The following ARMH3 variants were observed in gnomAD, a reference collection of about 807,000 sequenced individuals.
The protein encoded by ARMH3 is armadillo like helical domain containing 3.
Under a neutral mutation model 99.1 loss-of-function variants are expected in ARMH3, and 60 were observed. That is an observed-to-expected ratio of 0.61 (90% CI 0.49 to 0.75). ARMH3 has a LOEUF of 0.75. Ranked by LOEUF, ARMH3 falls within the 30% of genes least tolerant of loss-of-function variation. ARMH3 has a pLI of 0.00. For missense variants in ARMH3, 679 were observed against 843.1 expected, an observed-to-expected ratio of 0.81 and a Z score of 2.41; for synonymous variants, 285 against 292.8, an observed-to-expected ratio of 0.97 and a Z score of 0.27.
chr10:101,982,742 C>A (rs1483935671), intron 19 of ARMH3, among the ~76,000 whole-genome samples: 1 of 151,962 alleles, frequency 6.6e-6, no homozygotes, highest in Non-Finnish European at 1.5e-5. Flanking sequence ...GGTTGTGGCT[C>A]CTTATGATAA....
At chr10:101,999,213 CAG>C (rs975989721) in intron 15 of ARMH3, among the ~76,000 whole-genome samples, 1 of 146,678 alleles carries the variant, frequency 6.8e-6, no homozygotes, top group Admixed American at 6.8e-5. Context: ...TTTTTTGAAA[CAG>C]AGTTTTGCCC....
intron 23 of ARMH3, 56 bp from the exon 24 acceptor site, chr10:101,889,546 G>A (rs2067637312): frequency 1.4e-6 from 2 of 1,477,740 alleles, no homozygotes; most frequent in East Asian, 4.5e-5. Flanking sequence ...GGATACATCT[G>A]TTAAAAAATA....
At chr10:102,011,924 T>G (rs1196412447) in intron 10 of ARMH3, 141 bp from the exon 11 acceptor site, 3 of 627,746 alleles carry the variant, frequency 4.8e-6, no homozygotes, top group African/African-American at 3.8e-5. Context: ...TCAAGCATCA[T>G]GACAATCCCT....
intron 23 of ARMH3, among the ~76,000 whole-genome samples, chr10:101,890,242 A>G (rs2067655794): frequency 6.7e-6 from 1 of 149,520 alleles, no homozygotes; most frequent in Non-Finnish European, 1.5e-5. Context: ...ATATATATAT[A>G]TTTATTTATA....
chr10:101,963,488 C>A (rs1845398283), intron 20 of ARMH3, among the ~76,000 whole-genome samples: 1 of 152,128 alleles, frequency 6.6e-6, no homozygotes, highest in African/African-American at 2.4e-5. Context: ...CCAGGCTGGT[C>A]TCGAACTCTT....
intron 14 of ARMH3, among the ~76,000 whole-genome samples, chr10:102,002,519 C>A (rs1311619538): frequency 6.6e-6 from 1 of 151,872 alleles, no homozygotes; most frequent in East Asian, 1.9e-4. Flanking sequence ...AGAAATCTTG[C>A]TGAATTTTGA....
At chr10:101,988,922 CAAAAAA>C (rs35605193) in intron 19 of ARMH3, among the ~76,000 whole-genome samples, 4,570 of 56,546 alleles carry the variant, frequency 0.081, 120 homozygotes, top group Non-Finnish European at 0.1. Context: ...GACTCTGTCT[CAAAAAA>C]AAAAAAAAAA....
At chr10:101,936,210 T>C (rs757284974) in intron 23 of ARMH3, among the ~76,000 whole-genome samples, 1 of 151,966 alleles carries the variant, frequency 6.6e-6, no homozygotes. Context: ...AAAAGAAAAA[T>C]TGGCCGGGTG....
At chr10:101,968,049 A>T (rs960398649) in intron 20 of ARMH3, among the ~76,000 whole-genome samples, 5 of 152,186 alleles carry the variant, frequency 3.3e-5, no homozygotes, top group African/African-American at 7.2e-5. Flanking sequence ...GCTAAAAAAA[A>T]AAAATAAATA....
intron 20 of ARMH3, among the ~76,000 whole-genome samples, chr10:101,961,611 C>A (rs182154660): frequency 6.6e-6 from 1 of 152,256 alleles, no homozygotes; most frequent in East Asian, 1.9e-4. Context: ...GTTTCAAGGA[C>A]AGCAGAGAAC....
chr10:101,984,371 A>G (rs1244507140), intron 19 of ARMH3, among the ~76,000 whole-genome samples: 2 of 152,110 alleles, frequency 1.3e-5, no homozygotes, highest in East Asian at 1.9e-4. Context: ...TCATCTGTCA[A>G]TTTTCCCATG....
chr10:101,875,329 C>T (rs779030466), intron 24 of ARMH3, among the ~76,000 whole-genome samples: 1 of 152,078 alleles, frequency 6.6e-6, no homozygotes, highest in Non-Finnish European at 1.5e-5. Context: ...CCACTGGGTG[C>T]TTATAGTGAC....
rs766357087 is a variant in ARMH3 at position 101,995,403 on chromosome 10, T to A, written c.1151-48A>T. The A allele has an allele frequency of 3.5e-6, 5 of 1,446,076 alleles. No individual in the cohort carries two copies. In the Admixed American group the frequency reaches 5.2e-5, roughly 15 times the overall value. The allele number at this position is 1,446,076 out of a possible 1,614,324, so 89.6% of individuals were successfully genotyped here. On this transcript the variant is annotated intron_variant, in intron 15 of 25. Coordinates refer to ENST00000370033, the MANE Select transcript of ARMH3 (RefSeq NM_024541.3). ...TCTCTGTAAATCATCCAGATTTACA[T>A]CATCTGTTTCAATACAGAACAAGGA...
chr10:101,998,203 A>T (rs1247068994), intron 15 of ARMH3, among the ~76,000 whole-genome samples: 1 of 152,228 alleles, frequency 6.6e-6, no homozygotes, highest in Non-Finnish European at 1.5e-5. Flanking sequence ...GGCAAAGCTA[A>T]AAGTTCATTT....
chr10:101,968,441 C>A (rs1375439889), intron 20 of ARMH3, among the ~76,000 whole-genome samples: 1 of 152,138 alleles, frequency 6.6e-6, no homozygotes, highest in Non-Finnish European at 1.5e-5. Context: ...CCTCGAGATC[C>A]AGAGAAGGAT....
chr10:101,851,779 T>A (rs2066606519), intron 24 of ARMH3, among the ~76,000 whole-genome samples: 1 of 152,138 alleles, frequency 6.6e-6, no homozygotes, highest in Admixed American at 6.5e-5. Context: ...CCCAGCTTTC[T>A]CCCCTTCAGA....
intron 23 of ARMH3, among the ~76,000 whole-genome samples, chr10:101,912,179 C>T (rs984767060): frequency 4.0e-5 from 6 of 151,716 alleles, no homozygotes; most frequent in East Asian, 1.9e-4. Flanking sequence ...TGGATCACAA[C>T]GTCAGGAGTT....
intron 19 of ARMH3, among the ~76,000 whole-genome samples, chr10:101,976,141 C>T (rs1357637524): frequency 7.4e-6 from 1 of 134,598 alleles, no homozygotes; most frequent in Admixed American, 8.1e-5. Flanking sequence ...TGCGCTCCAG[C>T]CTGGGTGACA....
At chr10:102,051,370 G>C (rs2067701224) in intron 1 of ARMH3, among the ~76,000 whole-genome samples, 1 of 151,604 alleles carries the variant, frequency 6.6e-6, no homozygotes. Context: ...CTACTCAGGA[G>C]GCTGAGGCAG....
Sources: gnomAD v4.1 joint callset for allele counts (sites outside exome capture counted in the v4.1 genomes callset) on GRCh38, gnomAD v4.1.1 for gene constraint, MANE v1.5 for transcripts, NCBI Gene and HGNC (gene_info 2026-07-23, HGNC 2026-07-21) for gene names.